PRDM15: variants seen among roughly 807,000 people sequenced by gnomAD.
PRDM15 encodes the protein PR/SET domain 15.
Under a neutral mutation model 128.6 loss-of-function variants are expected in PRDM15, and 64 were observed. That is an observed-to-expected ratio of 0.50 (90% confidence interval 0.41 to 0.61). PRDM15 has a LOEUF of 0.61. Ranked by LOEUF, PRDM15 falls within the 20% of genes least tolerant of loss-of-function variation. The probability of loss-of-function intolerance (pLI) is 0.00; values close to 1 mark genes in which losing one functional copy is unlikely to be tolerated. For missense variants in PRDM15, 1,242 were observed against 1,569.1 expected, an observed-to-expected ratio of 0.79 and a Z score of 3.52; for synonymous variants, 615 against 621.8, an observed-to-expected ratio of 0.99 and a Z score of 0.16.
rs1465107796 is a variant in PRDM15 at position 41,806,564 on chromosome 21, TCACCATAC to T, written c.2653-1958_2653-1951del. Among the ~76,000 whole-genome samples the T allele has an allele frequency of 1.1e-3, 6 of 5,270 alleles. 1 individual carries two copies. The highest frequency in any genetic ancestry group is 1.3e-3 in the African/African-American group (2 of 1,520). The allele number at this position is 5,270 out of a possible 152,430, so 3.5% of individuals were successfully genotyped here. ...ACCACCAACATCACCACCATCACCA[TCACCATAC>T]CACCACCATCACCACCACCACCATT... On this transcript the variant is annotated intron_variant, in intron 21 of 23. Coordinates refer to ENST00000398548, the MANE Select transcript of PRDM15 (RefSeq NM_001040424.3).
At chr21:41,805,787 C>A (rs945358001) in intron 21 of PRDM15, among the ~76,000 whole-genome samples, 5 of 148,760 alleles carry the variant, frequency 3.4e-5, no homozygotes, top group African/African-American at 1.0e-4. Flanking sequence ...ACACCAACAC[C>A]ACCACCACCA....
Position 41,823,308 on chromosome 21 carries a change from C to A in PRDM15, c.1761+10G>T, listed in dbSNP as rs375103301. Reference sequence around the variant, plus strand: ...AGCATGCCTGGGTGAGGGCAGCACGCGATCGACACCTTGAAGTGGACATGG... The same window carrying A: ...AGCATGCCTGGGTGAGGGCAGCACGAGATCGACACCTTGAAGTGGACATGG... On this transcript the variant is annotated intron_variant, in intron 14 of 23. Transcript: ENST00000398548. 5.0e-6 allele frequency: 8 copies of A among 1,606,794 alleles called. No homozygotes were observed. Among genetic ancestry groups the A allele is most frequent in the Non-Finnish European group, 6.8e-6 (8 of 1,176,792 alleles).
intron 19 of PRDM15, among the ~76,000 whole-genome samples, chr21:41,815,318 TCTGACCTTCCAGCGC>T (rs2062012661): frequency 6.6e-6 from 1 of 152,216 alleles, no homozygotes; most frequent in African/African-American, 2.4e-5. Flanking sequence ...CGAGGCCACG[TCTGACCTTCCAGCGC>T]CTTCCCTAAC....
At chr21:41,806,021 CCACCACCACCA>C (rs2061565786) in intron 21 of PRDM15, among the ~76,000 whole-genome samples, 3 of 26,128 alleles carry the variant, frequency 1.1e-4, no homozygotes, top group South Asian at 1.1e-3. Flanking sequence ...ACCACCATCA[CCACCACCACCA>C]TCACCACCAC....
At chr21:41,861,592 T>C (rs1313428661) in intron 1 of PRDM15, 1 of 1,611,100 alleles carries the variant, frequency 6.2e-7, no homozygotes, top group Admixed American at 1.7e-5. Context: ...CCTGCTTCTC[T>C]GATGCCCGTT....
At chr21:41,817,169 G>T (rs1015652014) in intron 18 of PRDM15, among the ~76,000 whole-genome samples, 5 of 152,138 alleles carry the variant, frequency 3.3e-5, no homozygotes, top group African/African-American at 1.2e-4. Context: ...TTTAAAGCTT[G>T]CTCTACTGGG....
At chr21:41,808,957 G>A (rs556912245) in intron 21 of PRDM15, among the ~76,000 whole-genome samples, 1 of 152,332 alleles carries the variant, frequency 6.6e-6, no homozygotes, top group East Asian at 1.9e-4. Flanking sequence ...GCGGCAACTC[G>A]TGCCAGCCGG....
intron 13 of PRDM15, among the ~76,000 whole-genome samples, chr21:41,825,533 A>G (rs2062438373): frequency 6.6e-6 from 1 of 152,242 alleles, no homozygotes; most frequent in Non-Finnish European, 1.5e-5. Flanking sequence ...TCTAACTTAC[A>G]GAACGCCAGC....
chr21:41,831,256 C>T (rs1042418822), intron 11 of PRDM15, among the ~76,000 whole-genome samples: 5 of 152,244 alleles, frequency 3.3e-5, no homozygotes, highest in African/African-American at 9.6e-5. Flanking sequence ...GTCTCAGGGT[C>T]CCCCTGTCTA....
chr21:41,874,521 A>ATTTTTTTTTTT, intron 1 of PRDM15, among the ~76,000 whole-genome samples: 1 of 47,934 alleles, frequency 2.1e-5, no homozygotes, highest in African/African-American at 5.6e-5. Context: ...ATATATATAT[A>ATTTTTTTTTTT]TATATTTTTT....
At chr21:41,855,493 A>G (rs1329412532) in intron 4 of PRDM15, among the ~76,000 whole-genome samples, 2 of 152,078 alleles carry the variant, frequency 1.3e-5, no homozygotes, top group African/African-American at 4.8e-5. Context: ...CCCCTCTCCT[A>G]AGCTTCTCCT....
intron 16 of PRDM15, among the ~76,000 whole-genome samples, chr21:41,820,640 T>G (rs73375547): frequency 0.037 from 5,565 of 152,250 alleles, 311 homozygotes; most frequent in African/African-American, 0.13. Context: ...GGTAAGTGTC[T>G]GTTGTTTAGG....
chr21:41,856,590 T>G (rs913260069), intron 4 of PRDM15, among the ~76,000 whole-genome samples: 1 of 152,152 alleles, frequency 6.6e-6, no homozygotes, highest in Non-Finnish European at 1.5e-5. Flanking sequence ...TCGCCTGGCC[T>G]CATAGCCTTC....
intron 21 of PRDM15, among the ~76,000 whole-genome samples, chr21:41,807,177 C>T (rs2061707187): frequency 6.6e-6 from 1 of 152,208 alleles, no homozygotes; most frequent in African/African-American, 2.4e-5. Flanking sequence ...ATTAGCTTCA[C>T]TCTTCTTAGG....
chr21:41,809,815 T>C (rs2061802457), intron 21 of PRDM15, among the ~76,000 whole-genome samples: 1 of 152,188 alleles, frequency 6.6e-6, no homozygotes, highest in African/African-American at 2.4e-5. Context: ...ATACTTTACT[T>C]GGCCCCAACA....
At chr21:41,833,102 G>A (rs1039090798) in intron 11 of PRDM15, among the ~76,000 whole-genome samples, 1 of 152,230 alleles carries the variant, frequency 6.6e-6, no homozygotes, top group Non-Finnish European at 1.5e-5. Flanking sequence ...GGGATGGAGA[G>A]GGGATTATTG....
At chr21:41,829,163 ACAAT>A (rs2062589891) in intron 11 of PRDM15, among the ~76,000 whole-genome samples, 2 of 150,938 alleles carry the variant, frequency 1.3e-5, no homozygotes. Flanking sequence ...ACACAAATAC[ACAAT>A]CACACACACC....
At chr21:41,850,331 C>T (rs1601382251) in intron 5 of PRDM15, among the ~76,000 whole-genome samples, 1 of 148,784 alleles carries the variant, frequency 6.7e-6, no homozygotes, top group East Asian at 2.0e-4. Context: ...CCTCCTGGGC[C>T]TCATGCTCTC....
At chr21:41,875,774 T>C (rs2064391922) in intron 1 of PRDM15, among the ~76,000 whole-genome samples, 2 of 152,260 alleles carry the variant, frequency 1.3e-5, no homozygotes, top group African/African-American at 4.8e-5. Context: ...TGCATATAAA[T>C]TGAATTCGTC....
Sources: gnomAD v4.1 joint callset for allele counts (sites outside exome capture counted in the v4.1 genomes callset) on GRCh38, gnomAD v4.1.1 for gene constraint, MANE v1.5 for transcripts, NCBI Gene and HGNC (gene_info 2026-07-23, HGNC 2026-07-21) for gene names.